Variants in ZDHHC11 observed in about 807,000 individuals in gnomAD.
ZDHHC11 encodes zDHHC palmitoyltransferase 11.
ZDHHC11 carries 44 observed loss-of-function variants against 51.3 expected under a neutral mutation model. The ratio of observed to expected loss-of-function variants is 0.86; its 90% CI spans 0.67 to 1.10. The LOEUF is 1.10. Ranked by LOEUF, ZDHHC11 falls within the 50% of genes least tolerant of loss-of-function variation. ZDHHC11 has a pLI of 0.00. For synonymous variants in ZDHHC11, 163 were observed against 222.0 expected, an observed-to-expected ratio of 0.73 and a Z score of 2.36; for missense variants, 400 against 537.7, an observed-to-expected ratio of 0.74 and a Z score of 2.53.
intron 10 of ZDHHC11, 67 bp downstream of exon 10, chr5:819,458 G>T: frequency 6.5e-7 from 1 of 1,533,114 alleles, no homozygotes; most frequent in Admixed American, 1.7e-5. Context: ...TCAGCTTGGG[G>T]GACCTCAGAC....
chr5:814,748 C>T lies in ZDHHC11; in HGVS notation c.1181+13G>A. 1.3e-6 allele frequency: 2 copies of T among 1,558,530 alleles called. No homozygotes were observed. Among genetic ancestry groups the T allele is most frequent in the Non-Finnish European group, 1.7e-6 (2 of 1,153,652 alleles). On this transcript the variant is annotated intron_variant, in intron 11 of 12. Coordinates refer to ENST00000283441, the MANE Select transcript of ZDHHC11 (RefSeq NM_024786.3). The stretch of plus-strand genomic sequence containing the variant: ...AGACAGACAAAACGTTCCCGTTAAA[C>T]TTACGAACTTACCCAAGTGTAGATA...
intron 1 of ZDHHC11, among the ~76,000 whole-genome samples, chr5:848,995 C>T (rs1746720437): frequency 6.6e-6 from 1 of 152,042 alleles, no homozygotes; most frequent in Non-Finnish European, 1.5e-5. Flanking sequence ...GCCCTGCTCA[C>T]ATGGCCCTGC....
chr5:851,926 C>A (rs866177149), upstream of ZDHHC11, among the ~76,000 whole-genome samples: 3 of 152,100 alleles, frequency 2.0e-5, no homozygotes, highest in Non-Finnish European at 4.4e-5. Flanking sequence ...CATGGTGGCA[C>A]ATGCCTCTAA....
chr5:851,145 TCCTC>T (rs1287385381), upstream of ZDHHC11, among the ~76,000 whole-genome samples: 2 of 152,140 alleles, frequency 1.3e-5, no homozygotes, highest in East Asian at 3.9e-4. Context: ...ACCTGCCAGA[TCCTC>T]CCTGAGAGGC....
rs1342628511 is a variant in ZDHHC11, at chr5:825,153, C to G, written c.1023+11G>C. 3 of 1,609,480 alleles carry G rather than the reference C, an allele frequency of 1.9e-6. No individual in the cohort carries two copies. The highest frequency in any genetic ancestry group is 1.3e-5 in the African/African-American group (1 of 74,738). On this transcript the variant is annotated intron_variant, in intron 8 of 12. Transcript: ENST00000283441. The stretch of plus-strand genomic sequence containing the variant: ...TGACCTCGGGGTGCATCGCTGGTGA[C>G]TGCAACTTACCCGTGCCGTCGAATC...
intron 4 of ZDHHC11, among the ~76,000 whole-genome samples, chr5:843,023 G>A (rs1274364541): frequency 2.6e-5 from 4 of 152,274 alleles, no homozygotes; most frequent in Non-Finnish European, 2.9e-5. Context: ...ATTTCCCGAG[G>A]ATGCTGGCAT....
intron 7 of ZDHHC11, among the ~76,000 whole-genome samples, chr5:831,219 A>C (rs867014354): frequency 2.4e-4 from 36 of 149,774 alleles, no homozygotes; most frequent in Middle Eastern, 3.4e-3. Context: ...AGAAAATATT[A>C]ACAATCTGTA....
intron 11 of ZDHHC11, among the ~76,000 whole-genome samples, chr5:807,260 A>AT (rs1726436581): frequency 6.6e-6 from 1 of 150,878 alleles, no homozygotes; most frequent in Admixed American, 6.6e-5. Context: ...TGTTAAAAAA[A>AT]AAAATGAAAA....
intron 3 of ZDHHC11, among the ~76,000 whole-genome samples, chr5:846,859 C>T (rs1258536918): frequency 1.4e-5 from 2 of 144,386 alleles, no homozygotes; most frequent in African/African-American, 2.7e-5. Context: ...AAACACCTCT[C>T]GTTCTTGCAC....
chr5:847,095 T>C (rs1322418637), intron 3 of ZDHHC11, among the ~76,000 whole-genome samples: 3 of 139,850 alleles, frequency 2.1e-5, no homozygotes, highest in African/African-American at 9.1e-5. Flanking sequence ...ACCTCTCATC[T>C]GTGAGCCTCG....
At chr5:844,033 GGCGCAGGGGTGGGGAC>G (rs1199694073) in intron 3 of ZDHHC11, among the ~76,000 whole-genome samples, 19 of 146,196 alleles carry the variant, frequency 1.3e-4, no homozygotes, top group South Asian at 1.1e-3. Context: ...AGGTGTGGGG[GGCGCAGGGGTGGGGAC>G]GCGCAGGGCA....
intron 11 of ZDHHC11, among the ~76,000 whole-genome samples, chr5:814,386 G>A (rs1398596303): frequency 1.3e-5 from 2 of 151,250 alleles, no homozygotes; most frequent in Non-Finnish European, 1.5e-5. Context: ...CAGTGTTGGG[G>A]CAGAGCTGTC....
chr5:857,040 ACACAATG>A, intron 1 of ZDHHC11, among the ~76,000 whole-genome samples: 1 of 151,568 alleles, frequency 6.6e-6, no homozygotes, highest in East Asian at 1.9e-4. Context: ...CACACACAAC[ACACAATG>A]CTCACACTCC....
Position 814,746 on chromosome 5 carries a change from A to T in ZDHHC11, c.1181+15T>A. ...AGAGACAGACAAAACGTTCCCGTTA[A>T]ACTTACGAACTTACCCAAGTGTAGA... On this transcript the variant is annotated intron_variant, in intron 11 of 12. Coordinates refer to ENST00000283441, the MANE Select transcript of ZDHHC11 (RefSeq NM_024786.3). 1 of 1,557,366 alleles carries T rather than the reference A, an allele frequency of 6.4e-7. No homozygotes were observed. Among genetic ancestry groups the T allele is most frequent in the East Asian group, 2.3e-5 (1 of 42,636 alleles).
At position 817,903 on chromosome 5, in the gene ZDHHC11, T is replaced by A. The variant is rs186702865; in HGVS notation, c.1146+1622A>T. ...CAACGCTGTCTGCAGCCCTGGGCCC[T>A]CTCGAAGGGGAGGCGATGGACTGTA... On this transcript the variant is annotated intron_variant, in intron 10 of 12. Coordinates refer to ENST00000283441, the MANE Select transcript of ZDHHC11 (RefSeq NM_024786.3). 7.6e-3 allele frequency among the ~76,000 whole-genome samples: 1,147 copies of A among 151,332 alleles called. 50 individuals are homozygous for A. The highest frequency in any genetic ancestry group is 0.02 in the Middle Eastern group (6 of 294).
chr5:856,557 CCA>C (rs1246032983), intron 1 of ZDHHC11, among the ~76,000 whole-genome samples: 1 of 140,306 alleles, frequency 7.1e-6, no homozygotes, highest in Non-Finnish European at 1.5e-5. Context: ...TCCATGCACA[CCA>C]CACATGCACC....
intron 7 of ZDHHC11, among the ~76,000 whole-genome samples, chr5:828,458 AC>A (rs1481312400): frequency 1.3e-5 from 2 of 150,348 alleles, no homozygotes; most frequent in Non-Finnish European, 1.5e-5. Flanking sequence ...GTGGGGGCTG[AC>A]CCCCCACCTC....
At chr5:820,175 A>G (rs1315314701) in intron 9 of ZDHHC11, among the ~76,000 whole-genome samples, 1 of 151,552 alleles carries the variant, frequency 6.6e-6, no homozygotes, top group African/African-American at 2.4e-5. Flanking sequence ...CTTGCCCAAA[A>G]TGCATCACAG....
At chr5:825,013 C>G in intron 8 of ZDHHC11, 151 bp downstream of exon 8, 10 of 776,726 alleles carry the variant, frequency 1.3e-5, no homozygotes, top group Non-Finnish European at 1.7e-5. Flanking sequence ...CTTCTGTGCT[C>G]CACCCACCAT....
Sources: allele counts gnomAD v4.1 joint callset (sites outside exome capture counted in the v4.1 genomes callset), GRCh38; gene constraint gnomAD v4.1.1; transcripts MANE v1.5; gene names NCBI Gene and HGNC (gene_info 2026-07-23, HGNC 2026-07-21).